The following SLC35D2 variants were observed in gnomAD, a reference collection of about 807,000 sequenced individuals.
SLC35D2 encodes solute carrier family 35 member D2.
A neutral mutation model predicts 41.8 loss-of-function variants in SLC35D2; 43 were observed. That is an observed-to-expected ratio of 1.03 (90% CI 0.81 to 1.33). The LOEUF is 1.33. Ranked by LOEUF, SLC35D2 falls within the 40% of genes most tolerant of loss-of-function variation. The probability of loss-of-function intolerance (pLI) is 0.00; values close to 1 mark genes in which losing one functional copy is unlikely to be tolerated. For missense variants in SLC35D2, 380 were observed against 408.4 expected (o/e 0.93, Z 0.60); for synonymous variants, 150 against 163.9 (o/e 0.92, Z 0.65).
chr9:96,335,956 G>A (rs1461279087), intron 9 of SLC35D2, among the ~76,000 whole-genome samples: 1 of 151,636 alleles, frequency 6.6e-6, no homozygotes, highest in African/African-American at 2.4e-5. Context: ...GGGAGGCTGA[G>A]GCAGAATTGC....
At chr9:96,354,635 G>A (rs935273042) in intron 4 of SLC35D2, among the ~76,000 whole-genome samples, 3 of 151,864 alleles carry the variant, frequency 2.0e-5, no homozygotes, top group South Asian at 2.1e-4. Context: ...GGACGTAGTG[G>A]TGCGTGACTA....
chr9:96,372,495 G>T (rs530084032), intron 1 of SLC35D2, among the ~76,000 whole-genome samples: 15 of 150,708 alleles, frequency 1.0e-4, no homozygotes, highest in Non-Finnish European at 2.9e-5. Flanking sequence ...TTTATCTAAG[G>T]AATTATCAGG....
intron 4 of SLC35D2, among the ~76,000 whole-genome samples, chr9:96,358,071 TTATATATTTTATA>T (rs1564113896): frequency 1.7e-5 from 2 of 120,854 alleles, no homozygotes; most frequent in Non-Finnish European, 3.4e-5. Flanking sequence ...AAACAAAATA[TTATATATTTTATA>T]TATATATATA....
At chr9:96,337,990 A>AG (rs1829128940) in intron 8 of SLC35D2, among the ~76,000 whole-genome samples, 1 of 147,960 alleles carries the variant, frequency 6.8e-6, no homozygotes, top group African/African-American at 2.5e-5. Flanking sequence ...TCAAAAAAAA[A>AG]AAAAAAAAAA....
rs750398941 is a variant in SLC35D2, at chr9:96,360,184, A to T, written c.317T>A (p.Ile106Lys). 6.2e-7 allele frequency: 1 copy of T among 1,612,924 alleles called. No homozygotes were observed. Among genetic ancestry groups the T allele is most frequent in the Admixed American group, 1.7e-5 (1 of 59,950 alleles). ...TTTACTTGTGCTTGATAATCCACTTATGTGGTTTCCAACGTAGAGGAGAGG... is the reference window on the plus strand; with the variant it reads ...TTTACTTGTGCTTGATAATCCACTTTTGTGGTTTCCAACGTAGAGGAGAGG... ...PLPLLYVGNH[I>K]SGLSSTSKLS... The change falls in exon 4 of 12, where the codon ATA becomes AAA. Residue 106 changes from isoleucine (I) to lysine (K), a missense_variant. Transcript: ENST00000253270.
At chr9:96,381,368 A>C (rs1304196567) in intron 1 of SLC35D2, among the ~76,000 whole-genome samples, 1 of 152,198 alleles carries the variant, frequency 6.6e-6, no homozygotes, top group Non-Finnish European at 1.5e-5. Context: ...CCAAGGCCCC[A>C]CACAGGCCAG....
At chr9:96,377,042 C>T (rs1830992742) in intron 1 of SLC35D2, among the ~76,000 whole-genome samples, 1 of 151,128 alleles carries the variant, frequency 6.6e-6, no homozygotes, top group African/African-American at 2.4e-5. Context: ...AAAAGAGTCT[C>T]ACGTGTCCCT....
intron 6 of SLC35D2, among the ~76,000 whole-genome samples, chr9:96,347,153 G>A: frequency 6.6e-6 from 1 of 152,092 alleles, no homozygotes; most frequent in Non-Finnish European, 1.5e-5. Context: ...TCAAAATAAG[G>A]GTCTTCCAAA....
chr9:96,352,165 T>C (rs1405257539), intron 4 of SLC35D2, 56 bp from the exon 5 acceptor site: 2 of 1,185,362 alleles, frequency 1.7e-6, no homozygotes, highest in Admixed American at 3.8e-5. Context: ...ATTGGTTTTA[T>C]CTTTTACATG....
At chr9:96,383,423 G>A in intron 1 of SLC35D2, 54 bp downstream of exon 1, 1 of 1,431,078 alleles carries the variant, frequency 7.0e-7, no homozygotes. Context: ...GCGCACGGAG[G>A]ACAGGGGCAG....
At chr9:96,360,283 A>T in intron 3 of SLC35D2, 62 bp from the exon 4 acceptor site, 2 of 1,285,162 alleles carry the variant, frequency 1.6e-6, no homozygotes, top group Non-Finnish European at 2.2e-6. Flanking sequence ...TTTCCTTCAC[A>T]TATAAAAATG....
At chr9:96,324,268 C>CG in intron 9 of SLC35D2, 99 bp from the exon 10 acceptor site, 1 of 880,754 alleles carries the variant, frequency 1.1e-6, no homozygotes, top group East Asian at 2.6e-5. Flanking sequence ...GCACTTTAAG[C>CG]GAAGAAAAAA....
At chr9:96,345,264 G>T in intron 7 of SLC35D2, 35 bp downstream of exon 7, 2 of 1,111,136 alleles carry the variant, frequency 1.8e-6, no homozygotes, top group South Asian at 1.3e-5. Flanking sequence ...GGGGCCAGAT[G>T]ACAGAGCCAA....
At chr9:96,318,498 T>C (rs564457320), downstream of SLC35D2, among the ~76,000 whole-genome samples, 4 of 151,896 alleles carry the variant, frequency 2.6e-5, no homozygotes, top group East Asian at 7.7e-4. Context: ...TAAAAGCGTA[T>C]TGAAACAGTA....
At chr9:96,318,877 T>C (rs56327011), downstream of SLC35D2, among the ~76,000 whole-genome samples, 2,982 of 152,242 alleles carry the variant, frequency 0.02, 109 homozygotes, top group African/African-American at 0.069. Context: ...AAATAACAAA[T>C]GTTATTGAGG....
chr9:96,374,120 A>C (rs1221526091), intron 1 of SLC35D2: 1 of 152,234 alleles, frequency 6.6e-6, no homozygotes, highest in Non-Finnish European at 1.5e-5. Context: ...GAGGAATCTA[A>C]GTAATCCTCA....
intron 1 of SLC35D2, among the ~76,000 whole-genome samples, chr9:96,372,831 C>T (rs1289878758): frequency 4.0e-5 from 6 of 151,154 alleles, no homozygotes; most frequent in Non-Finnish European, 7.4e-5. Context: ...GGTGATCCGC[C>T]CACCTCTGCC....
chr9:96,318,373 G>C (rs993327740), downstream of SLC35D2, among the ~76,000 whole-genome samples: 1 of 149,764 alleles, frequency 6.7e-6, no homozygotes, highest in Non-Finnish European at 1.5e-5. Context: ...TGGGAGGATC[G>C]CTTGAGCCTG....
At chr9:96,375,757 C>T (rs1204648904) in intron 1 of SLC35D2, among the ~76,000 whole-genome samples, 7 of 152,018 alleles carry the variant, frequency 4.6e-5, no homozygotes, top group African/African-American at 1.7e-4. Context: ...GTGGTTCACG[C>T]CTGTAATCGC....
Sources: allele counts gnomAD v4.1 joint callset (sites outside exome capture counted in the v4.1 genomes callset), GRCh38; gene constraint gnomAD v4.1.1; transcripts MANE v1.5; gene names NCBI Gene and HGNC (gene_info 2026-07-23, HGNC 2026-07-21).